The following XAGE5 variants were observed in gnomAD, a reference collection of about 807,000 sequenced individuals.
XAGE5 encodes G antigen, family D, 5.
A neutral mutation model predicts 13.1 loss-of-function variants in XAGE5; 13 were observed. The observed-to-expected ratio is 0.99, with a 90% CI of 0.64 to 1.57. The LOEUF is 1.57. XAGE5 is among the 40% of genes most tolerant of loss of function. The pLI is 0.00. For synonymous variants in XAGE5, 17 were observed against 25.0 expected (o/e 0.68, Z 0.96); for missense variants, 86 against 77.6 (o/e 1.11, Z -0.41).
At position 52,815,245 on chromosome X, in the gene XAGE5, A is replaced by T. The variant is rs782773327; in HGVS notation, c.304+28A>T. 4 of 1,188,910 alleles carry T rather than the reference A, an allele frequency of 3.4e-6. No individual in the cohort carries two copies. In the East Asian group the frequency reaches 1.2e-4, roughly 35 times the overall value. ...ATGTTATCCATTAAGATTAAAAATT[A>T]TGTGCTTTCTGTATTACACAATATT... On this transcript the variant is annotated intron_variant, in intron 5 of 5. Coordinates refer to ENST00000375501, the MANE Select transcript of XAGE5 (RefSeq NM_001386970.1).
chrX:52,818,057 C>A (rs376612610), intron 5 of XAGE5, 134 bp from the exon 6 acceptor site: 1 of 725,028 alleles, frequency 1.4e-6, no homozygotes, highest in Admixed American at 3.2e-5. Flanking sequence ...GAATATTAGC[C>A]GTAGGGAGAC....
rs781868097 is a variant in XAGE5 at position 52,814,977 on chromosome X, T to C, written c.179-115T>C. The C allele has an allele frequency of 9.1e-5, 78 of 861,653 alleles. 1 individual carries two copies. Among genetic ancestry groups the C allele is most frequent in the Middle Eastern group, 8.5e-4 (2 of 2,350 alleles). The allele number at this position is 861,653 out of a possible 1,213,427, so 71.0% of individuals were successfully genotyped here. A position where few individuals can be genotyped will look rare whatever the true frequency, so the allele number is the denominator to read the frequency against. ...CATAATACAGGAAAACAAACATTTATTACCACAGTAGCCTCTAGGCTTTTA... is the reference window on the plus strand; with the variant it reads ...CATAATACAGGAAAACAAACATTTACTACCACAGTAGCCTCTAGGCTTTTA... On this transcript the variant is annotated intron_variant, in intron 4 of 5. Coordinates refer to ENST00000375501, the MANE Select transcript of XAGE5 (RefSeq NM_001386970.1).
chrX:52,812,398 G>A (rs1218949702), intron 2 of XAGE5, 161 bp from the exon 3 acceptor site: 2 of 376,708 alleles, frequency 5.3e-6, no homozygotes, highest in Non-Finnish European at 9.1e-6. Context: ...TCAACTTCCC[G>A]AGTAGCTGGG....
At chrX:52,817,962 G>A (rs782658030) in intron 5 of XAGE5, among the ~76,000 whole-genome samples, 1 of 111,690 alleles carries the variant, frequency 9.0e-6, no homozygotes, top group Non-Finnish European at 1.9e-5. Context: ...TTTCCTTCTA[G>A]CACTAAAAGC....
chrX:52,818,096 A>G (rs782449642), intron 5 of XAGE5, 95 bp from the exon 6 acceptor site: 3 of 1,089,446 alleles, frequency 2.8e-6, no homozygotes, highest in Non-Finnish European at 3.8e-6. Flanking sequence ...AGTCCACTGT[A>G]TAAAACTAAA....
rs1252146280 is a variant in XAGE5 at position 52,811,575 on chromosome X, T to A, written c.-153T>A. On this transcript the variant is annotated 5_prime_UTR_variant, in exon 2 of 6. Transcript: ENST00000375501. ...GTCAGGACGAAGGAAGAAGGAGGGC[T>A]TCGGAGTGCGACGGGGGTTAGGTGA... Among the ~76,000 whole-genome samples, 1 of 110,793 alleles carries A rather than the reference T, an allele frequency of 9.0e-6. No homozygotes were observed. The highest frequency in any genetic ancestry group is 3.3e-5 in the African/African-American group (1 of 30,393).
chrX:52,813,360 C>T, intron 4 of XAGE5, 115 bp downstream of exon 4: 1 of 742,717 alleles, frequency 1.3e-6, no homozygotes, highest in Non-Finnish European at 2.0e-6. Context: ...GGATCTCAAA[C>T]ATTTGCTGAG....
intron 4 of XAGE5, chrX:52,814,459 G>A (rs1427285553): frequency 3.0e-5 from 6 of 197,374 alleles, no homozygotes; most frequent in Admixed American, 6.1e-5. Context: ...TTTTCACAAC[G>A]GATAGCATTT....
intron 2 of XAGE5, 137 bp from the exon 3 acceptor site, chrX:52,812,422 G>C (rs1379233512): frequency 1.3e-5 from 6 of 451,885 alleles, no homozygotes; most frequent in African/African-American, 2.5e-5. Flanking sequence ...ACAGGTGCTC[G>C]CTACCACACC....
At chrX:52,814,192 C>T (rs180852517) in intron 4 of XAGE5, 126 of 327,539 alleles carry the variant, frequency 3.8e-4, no homozygotes, top group Admixed American at 6.3e-4. Context: ...CTATAAGGTA[C>T]TTCGATATTG....
At chrX:52,817,229 C>T (rs1602002405) in intron 5 of XAGE5, among the ~76,000 whole-genome samples, 1 of 111,840 alleles carries the variant, frequency 8.9e-6, no homozygotes, top group African/African-American at 3.3e-5. Context: ...CCTGCAATAC[C>T]TGAATATCTG....
chrX:52,816,560 A>G (rs1243346852), intron 5 of XAGE5, among the ~76,000 whole-genome samples: 1 of 112,423 alleles, frequency 8.9e-6, no homozygotes, highest in African/African-American at 3.2e-5. Flanking sequence ...TCATCAGATG[A>G]TATGATTTAA....
chrX:52,812,729 G>A, intron 3 of XAGE5, 91 bp downstream of exon 3: 1 of 805,839 alleles, frequency 1.2e-6, no homozygotes, highest in Non-Finnish European at 1.8e-6. Flanking sequence ...ACTGATAAAG[G>A]TCTCCCATGT....
At chrX:52,818,099 A>C in intron 5 of XAGE5, 92 bp from the exon 6 acceptor site, 1 of 1,113,103 alleles carries the variant, frequency 9.0e-7, no homozygotes, top group Non-Finnish European at 1.2e-6. Flanking sequence ...CCACTGTATA[A>C]AACTAAACCT....
chrX:52,817,638 C>T (rs1428311939), intron 5 of XAGE5, among the ~76,000 whole-genome samples: 1 of 112,173 alleles, frequency 8.9e-6, no homozygotes, highest in African/African-American at 3.2e-5. Context: ...AGAGAAAAAA[C>T]AAATGCAATA....
At chrX:52,814,853 T>C in intron 4 of XAGE5, 1 of 339,115 alleles carries the variant, frequency 2.9e-6, no homozygotes, top group Non-Finnish European at 5.2e-6. Context: ...CGTCTTCAGT[T>C]TTCCTAGGTA....
At chrX:52,812,787 A>G in intron 3 of XAGE5, 149 bp downstream of exon 3, 1 of 540,272 alleles carries the variant, frequency 1.9e-6, no homozygotes, top group Non-Finnish European at 3.0e-6. Context: ...GTAACCCAAG[A>G]AGACTACATA....
rs1556778266 is a variant in XAGE5 at position 52,818,174 on chromosome X, T to C, written c.305-17T>C. ...GTTCTGCTAGTAATGTTCCCTCCTG[T>C]TATGTTTCTATTGCAGGGGAAGGGA... On this transcript the variant is annotated splice_polypyrimidine_tract_variant and intron_variant, in intron 5 of 5. Coordinates refer to ENST00000375501, the MANE Select transcript of XAGE5 (RefSeq NM_001386970.1). 8.3e-7 allele frequency: 1 copy of C among 1,210,933 alleles called. No individual in the cohort carries two copies. Among genetic ancestry groups the C allele is most frequent in the African/African-American group, 1.7e-5 (1 of 57,891 alleles).
At chrX:52,814,941 A>C in intron 4 of XAGE5, 151 bp from the exon 5 acceptor site, 1 of 599,177 alleles carries the variant, frequency 1.7e-6, no homozygotes, top group Non-Finnish European at 2.6e-6. Flanking sequence ...TTGTCATTTA[A>C]GATAAGATAT....
Sources: allele counts gnomAD v4.1 joint callset (sites outside exome capture counted in the v4.1 genomes callset), GRCh38; gene constraint gnomAD v4.1.1; transcripts MANE v1.5; gene names NCBI Gene and HGNC (gene_info 2026-07-23, HGNC 2026-07-21).